Variants in SH2D4A observed in about 807,000 individuals in gnomAD.
SH2D4A encodes the protein SH2 domain containing 4A.
A neutral mutation model predicts 64.7 loss-of-function variants in SH2D4A; 70 were observed. The observed-to-expected ratio is 1.08, with a 90% CI of 0.89 to 1.32. The LOEUF (loss-of-function observed/expected upper bound fraction) is 1.32. Among genes scored for constraint, SH2D4A ranks in the 40% most tolerant of loss-of-function variants. The pLI is 0.00. For missense variants in SH2D4A, 706 were observed against 540.1 expected (o/e 1.31, Z -3.04); for synonymous variants, 268 against 200.7 (o/e 1.34, Z -2.83).
intron 4 of SH2D4A, among the ~76,000 whole-genome samples, chr8:19,347,610 G>C (rs1331377910): frequency 1.3e-5 from 2 of 152,194 alleles, no homozygotes; most frequent in African/African-American, 4.8e-5. Context: ...CCCTGAAAGG[G>C]ACCTTGAATA....
chr8:19,315,042 T>C (rs2052062712), intron 1 of SH2D4A, among the ~76,000 whole-genome samples: 3 of 151,276 alleles, frequency 2.0e-5, no homozygotes, highest in African/African-American at 7.3e-5. Context: ...TTTATTTTAT[T>C]AGGTCGGTGC....
chr8:19,339,585 G>A (rs930333016), intron 4 of SH2D4A, among the ~76,000 whole-genome samples: 1 of 142,320 alleles, frequency 7.0e-6, no homozygotes, highest in African/African-American at 2.6e-5. Flanking sequence ...CTGCTGCCTT[G>A]AACTCCTGGG....
chr8:19,313,969 C>A (rs2052040222), intron 1 of SH2D4A, 146 bp downstream of exon 1: 3 of 1,256,132 alleles, frequency 2.4e-6, no homozygotes, highest in East Asian at 3.2e-5. Context: ...CCGCCTCCAC[C>A]CCTTCGCGGC....
At chr8:19,338,444 AC>A (rs1303295456) in intron 4 of SH2D4A, among the ~76,000 whole-genome samples, 1 of 152,226 alleles carries the variant, frequency 6.6e-6, no homozygotes, top group Non-Finnish European at 1.5e-5. Flanking sequence ...ATGGTTAAGG[AC>A]GTTGAGATGG....
At chr8:19,375,158 A>G (rs2053171030) in intron 8 of SH2D4A, 1 of 152,184 alleles carries the variant, frequency 6.6e-6, no homozygotes, top group Non-Finnish European at 1.5e-5. Flanking sequence ...ATTCTTATCA[A>G]TTTATTTTCA....
At position 19,381,903 on chromosome 8, in the gene SH2D4A, AT is replaced by A. The variant is rs200697764; in HGVS notation, c.1048+8252del. 8.0e-5 allele frequency among the ~76,000 whole-genome samples: 12 copies of A among 150,122 alleles called. No individual in the cohort carries two copies. In the East Asian group the frequency reaches 9.8e-4, roughly 12 times the overall value. On this transcript the variant is annotated intron_variant, in intron 8 of 9. Coordinates refer to ENST00000265807, the MANE Select transcript of SH2D4A (RefSeq NM_022071.4). ...TCTGCATTAATTGAGATGAGCATGT[AT>A]TTTTTTTTCATTTATCCTGTTAATA...
rs1306867771 is a variant in SH2D4A, at chr8:19,393,341, AATG to A, written c.1074_1076del (p.Asn358_Glu359delinsLys). 1 of 1,614,160 alleles carries A rather than the reference AATG, an allele frequency of 6.2e-7. No individual in the cohort carries two copies. Among genetic ancestry groups the A allele is most frequent in the Admixed American group, 1.7e-5 (1 of 60,024 alleles). The stretch of plus-strand genomic sequence containing the variant: ...AGGAATTCTCACACTCAAGAAAGCA[AATG>A]AACTTCTTCTGAGCACAGGCATGCC... On this transcript the variant is annotated inframe_deletion, in exon 9 of 10. Transcript: ENST00000265807.
intron 9 of SH2D4A, among the ~76,000 whole-genome samples, chr8:19,394,329 CT>C (rs1432506263): frequency 6.6e-6 from 1 of 152,192 alleles, no homozygotes; most frequent in African/African-American, 2.4e-5. Flanking sequence ...TTGGGGACCC[CT>C]GACCTATGAG....
intron 4 of SH2D4A, among the ~76,000 whole-genome samples, chr8:19,339,470 C>A (rs576407394): frequency 6.6e-6 from 1 of 150,864 alleles, no homozygotes; most frequent in South Asian, 2.1e-4. Context: ...TTAGTTAGCT[C>A]ACTTTCCTCT....
intron 5 of SH2D4A, among the ~76,000 whole-genome samples, chr8:19,358,858 C>A (rs959800039): frequency 6.6e-6 from 1 of 152,162 alleles, no homozygotes; most frequent in Non-Finnish European, 1.5e-5. Context: ...GTACTGTTAG[C>A]TGAACACATT....
chr8:19,363,871 A>T (rs1037358068), intron 6 of SH2D4A: 17 of 589,454 alleles, frequency 2.9e-5, no homozygotes, highest in Non-Finnish European at 4.8e-5. Context: ...CCAGTCCTGT[A>T]TGAAGAGAGG....
At chr8:19,322,971 G>A (rs894909921) in intron 2 of SH2D4A, among the ~76,000 whole-genome samples, 3 of 152,200 alleles carry the variant, frequency 2.0e-5, no homozygotes, top group South Asian at 2.1e-4. Context: ...CACCGTGCCC[G>A]ACTTGTCTAC....
intron 6 of SH2D4A, among the ~76,000 whole-genome samples, chr8:19,363,221 G>A (rs529846630): frequency 2.7e-4 from 41 of 152,118 alleles, no homozygotes; most frequent in African/African-American, 9.6e-4. Context: ...GATTACAGGC[G>A]CCTGCCACCA....
chr8:19,353,103 T>C (rs543578122), intron 4 of SH2D4A, among the ~76,000 whole-genome samples: 1 of 152,314 alleles, frequency 6.6e-6, no homozygotes, highest in South Asian at 2.1e-4. Context: ...AGGTCAATGA[T>C]GTATTAGACT....
At chr8:19,345,515 G>A (rs1326815727) in intron 4 of SH2D4A, among the ~76,000 whole-genome samples, 1 of 152,212 alleles carries the variant, frequency 6.6e-6, no homozygotes, top group Non-Finnish European at 1.5e-5. Flanking sequence ...GTGGTATGTG[G>A]CAAAGTCAAC....
In SH2D4A at chr8:19,328,442, T is replaced by A. The variant is rs1447878230; in HGVS notation, c.182-4513T>A. The stretch of plus-strand genomic sequence containing the variant: ...CGCTGCTGTGTTCCCAGTTAGCGAG[T>A]TTCAGGATTCTGGCATCATCTTTGA... On this transcript the variant is annotated intron_variant, in intron 2 of 9. Transcript: ENST00000265807. Among the ~76,000 whole-genome samples the A allele has an allele frequency of 2.0e-5, 3 of 152,148 alleles. No individual in the cohort carries two copies. In the South Asian group the frequency reaches 6.2e-4, roughly 31 times the overall value.
chr8:19,370,100 T>C (rs1324547751), intron 7 of SH2D4A, among the ~76,000 whole-genome samples: 2 of 152,096 alleles, frequency 1.3e-5, no homozygotes, highest in African/African-American at 4.8e-5. Context: ...TTTCCACATA[T>C]TTGTTTCTAG....
intron 8 of SH2D4A, chr8:19,375,523 T>G (rs1019632806): frequency 5.3e-5 from 8 of 152,252 alleles, no homozygotes; most frequent in Non-Finnish European, 8.8e-5. Context: ...AAGGTAAGGA[T>G]GTGAGTGGGT....
intron 1 of SH2D4A, among the ~76,000 whole-genome samples, chr8:19,316,591 T>C (rs2052092679): frequency 6.6e-6 from 1 of 152,216 alleles, no homozygotes; most frequent in Non-Finnish European, 1.5e-5. Context: ...TAAGCTTAGC[T>C]ACAGTTGACC....
Sources: gnomAD v4.1 joint callset for allele counts (sites outside exome capture counted in the v4.1 genomes callset) on GRCh38, gnomAD v4.1.1 for gene constraint, MANE v1.5 for transcripts, NCBI Gene and HGNC (gene_info 2026-07-23, HGNC 2026-07-21) for gene names.